Variants in CDH1 observed in about 807,000 individuals in gnomAD.
The protein encoded by CDH1 is cadherin-1.
In CDH1, 35 loss-of-function variants were observed where a neutral mutation model predicts 84.5. That is an observed-to-expected ratio of 0.41 (90% CI 0.32 to 0.55). The LOEUF is 0.55. Ranked by LOEUF, CDH1 falls within the 20% of genes least tolerant of loss-of-function variation. The pLI, the probability that CDH1 is intolerant of heterozygous loss-of-function variation, is 0.19. For synonymous variants in CDH1, 417 were observed against 439.0 expected (o/e 0.95, Z 0.63); for missense variants, 994 against 1,126.6 (o/e 0.88, Z 1.68).
At chr16:68,811,296 C>A (rs1467138462) in intron 6 of CDH1, among the ~76,000 whole-genome samples, 10 of 149,964 alleles carry the variant, frequency 6.7e-5, no homozygotes, top group Non-Finnish European at 7.4e-5. Flanking sequence ...ACTTGGGAGG[C>A]TGAAGCAGGA....
At position 68,738,273 on chromosome 16, in the gene CDH1, C is replaced by T. The variant is rs1414219240; in HGVS notation, c.49-24C>T. 2.8e-6 allele frequency: 4 copies of T among 1,445,708 alleles called. No homozygotes were observed. The Admixed American group carries it at 5.9e-5, about 21-fold the overall frequency. The allele number at this position is 1,445,708 out of a possible 1,614,324, so 89.6% of individuals were successfully genotyped here. A position where few individuals can be genotyped will look rare whatever the true frequency, so the allele number is the denominator to read the frequency against. The stretch of plus-strand genomic sequence containing the variant: ...AGGGAACCCTCCGAGTCACCCGGTT[C>T]CATCTACCTTTCCCCCACCCCAGGT... On this transcript the variant is annotated intron_variant, in intron 1 of 15. Transcript: ENST00000261769.
chr16:68,784,639 TC>T (rs759987731), intron 2 of CDH1, among the ~76,000 whole-genome samples: 6 of 152,162 alleles, frequency 3.9e-5, no homozygotes, highest in Non-Finnish European at 8.8e-5. Context: ...TAGTCTTTTA[TC>T]CCTCACCCCC....
intron 2 of CDH1, among the ~76,000 whole-genome samples, chr16:68,774,290 C>G (rs1409933106): frequency 6.6e-6 from 1 of 152,122 alleles, no homozygotes; most frequent in East Asian, 1.9e-4. Context: ...TTTGGGAGGC[C>G]GAGTCGGGCA....
At position 68,738,964 on chromosome 16, in the gene CDH1, T is replaced by TTTTTTTTTTTTTTTTA. The variant is rs555202424; in HGVS notation, c.163+553_163+554insTTTTTTTTTTTTTTTA. Reference sequence around the variant, plus strand: ...TTTTTTTTTTTTTTTTTTTTTTTTTTAAAGACAGGGTCTTGCTCTGTTGCC... The same window carrying TTTTTTTTTTTTTTTTA: ...TTTTTTTTTTTTTTTTTTTTTTTTTTTTTTTTTTTTTTTTTAAAAGACAGGGTCTTGCTCTGTTGCC... On this transcript the variant is annotated intron_variant, in intron 2 of 15. Transcript: ENST00000261769. Among the ~76,000 whole-genome samples, 250 of 65,410 alleles carry TTTTTTTTTTTTTTTTA rather than the reference T, an allele frequency of 3.8e-3. 101 individuals are homozygous for TTTTTTTTTTTTTTTTA. Among genetic ancestry groups the TTTTTTTTTTTTTTTTA allele is most frequent in the East Asian group, 5.9e-3 (12 of 2,032 alleles). 42.9% of individuals were successfully genotyped at this position (65,410 alleles called of 152,430 possible).
chr16:68,831,578 C>T (rs763884971), intron 15 of CDH1, among the ~76,000 whole-genome samples: 5 of 151,526 alleles, frequency 3.3e-5, no homozygotes, highest in Non-Finnish European at 5.9e-5. Context: ...TCACTCTTGT[C>T]GCCCAGGCTG....
chr16:68,834,510 C>T lies in CDH1; in HGVS notation c.*1011C>T. On this transcript the variant is annotated 3_prime_UTR_variant, in exon 16 of 16. Transcript: ENST00000261769. ...GGGATTGTGGGCATGAGCTGCTGTG[C>T]CCAGCCTCCATGTTTTAATATCAAC... The T allele has an allele frequency of 3.7e-6, 1 of 273,786 alleles. No individual in the cohort carries two copies. The highest frequency in any genetic ancestry group is 7.1e-6 in the Non-Finnish European group (1 of 140,892). 17.0% of individuals were successfully genotyped at this position (273,786 alleles called of 1,614,324 possible).
rs1191901557 is a variant in CDH1, at chr16:68,812,199, C to G, written c.1073C>G (p.Thr358Arg). The G allele has an allele frequency of 1.2e-6, 2 of 1,614,152 alleles. No individual in the cohort carries two copies. Among genetic ancestry groups the G allele is most frequent in the Non-Finnish European group, 1.7e-6 (2 of 1,179,974 alleles). ...ADLQGEGLST[T>R]ATAVITVTDT... is the part of the protein sequence containing the mutation. ...CTTCAAGGTGAGGGGTTAAGCACAA[C>G]AGCAACAGCTGTGATCACAGTCACT... Residue 358 changes from threonine to arginine, a missense_variant, in exon 8 of 16, where the codon ACA becomes AGA. Transcript: ENST00000261769.
chr16:68,738,189 C>G, intron 1 of CDH1, 108 bp from the exon 2 acceptor site: 2 of 754,860 alleles, frequency 2.6e-6, no homozygotes, highest in South Asian at 3.5e-5. Context: ...CTGGGGTCCT[C>G]CCCCAATCCC....
chr16:68,750,933 G>A (rs978328165), intron 2 of CDH1, among the ~76,000 whole-genome samples: 2 of 151,944 alleles, frequency 1.3e-5, no homozygotes, highest in African/African-American at 4.8e-5. Flanking sequence ...TGGAACTCCT[G>A]GGCTCAAGGG....
chr16:68,787,935 C>T (rs571418140), intron 2 of CDH1, among the ~76,000 whole-genome samples: 149 of 151,262 alleles, frequency 9.9e-4, no homozygotes, highest in African/African-American at 3.3e-3. Flanking sequence ...AAGCAATTCT[C>T]CTGCCTCAGC....
At chr16:68,740,063 G>A (rs1188995702) in intron 2 of CDH1, among the ~76,000 whole-genome samples, 1 of 152,140 alleles carries the variant, frequency 6.6e-6, no homozygotes, top group African/African-American at 2.4e-5. Flanking sequence ...CAAGGGAAGG[G>A]GCTAGTTTCT....
chr16:68,738,697 C>T (rs1453265987), intron 2 of CDH1, among the ~76,000 whole-genome samples: 1 of 152,080 alleles, frequency 6.6e-6, no homozygotes, highest in African/African-American at 2.4e-5. Flanking sequence ...ACTGTAGAGA[C>T]AGTCTCTCAT....
chr16:68,740,931 C>T (rs967115976), intron 2 of CDH1, among the ~76,000 whole-genome samples: 2 of 151,956 alleles, frequency 1.3e-5, no homozygotes, highest in Admixed American at 1.3e-4. Flanking sequence ...TTGTTTTTCA[C>T]CTCAATAACC....
intron 13 of CDH1, among the ~76,000 whole-genome samples, chr16:68,824,699 C>G (rs923522008): frequency 6.6e-6 from 1 of 152,202 alleles, no homozygotes; most frequent in South Asian, 2.1e-4. Context: ...GTCCTTAAAC[C>G]TGTTTCCATT....
Position 68,779,615 on chromosome 16 carries a change from G to A in CDH1, c.164-22055G>A, listed in dbSNP as rs1344456146. Among the ~76,000 whole-genome samples, 4 of 152,334 alleles carry A rather than the reference G, an allele frequency of 2.6e-5. No homozygotes were observed. The South Asian group carries it at 8.3e-4, about 32-fold the overall frequency. Reference sequence around the variant, plus strand: ...TCACACCTGTAATCCCAGCACTTTGGGAGGCCGAGCAGGCAGGAGGATCAC... The same window carrying A: ...TCACACCTGTAATCCCAGCACTTTGAGAGGCCGAGCAGGCAGGAGGATCAC... On this transcript the variant is annotated intron_variant, in intron 2 of 15. Coordinates refer to ENST00000261769, the MANE Select transcript of CDH1 (RefSeq NM_004360.5).
At chr16:68,804,185 C>G (rs953366521) in intron 3 of CDH1, among the ~76,000 whole-genome samples, 6 of 134,602 alleles carry the variant, frequency 4.5e-5, no homozygotes, top group African/African-American at 1.7e-4. Flanking sequence ...GCGATCTCAG[C>G]TCACTGCAAG....
chr16:68,774,675 G>A (rs1230980999), intron 2 of CDH1, among the ~76,000 whole-genome samples: 3 of 152,100 alleles, frequency 2.0e-5, no homozygotes, highest in Admixed American at 6.5e-5. Flanking sequence ...CAATGAAAGC[G>A]GATGCCTGGT....
rs1308247672 is a variant in CDH1 at position 68,738,389 on chromosome 16, G to C, written c.141G>C (p.Glu47Asp). ...YTFTVPRRHL[E>D]RGRVLGRVNF... ...TCACGGTGCCCCGGCGCCACCTGGA[G>C]AGAGGCCGCGTCCTGGGCAGAGGTG... Residue 47 changes from glutamate (E) to aspartate (D), a missense_variant, in exon 2 of 16, where the codon GAG becomes GAC. Coordinates refer to ENST00000261769, the MANE Select transcript of CDH1 (RefSeq NM_004360.5). The C allele has an allele frequency of 6.4e-7, 1 of 1,550,474 alleles. No individual in the cohort carries two copies. Among genetic ancestry groups the C allele is most frequent in the Non-Finnish European group, 8.7e-7 (1 of 1,146,382 alleles).
intron 2 of CDH1, among the ~76,000 whole-genome samples, chr16:68,791,645 T>C (rs929747234): frequency 1.3e-5 from 2 of 152,066 alleles, no homozygotes; most frequent in Non-Finnish European, 2.9e-5. Context: ...TAGTCTTGAA[T>C]TCCTGGGCCC....
Sources: allele counts gnomAD v4.1 joint callset (sites outside exome capture counted in the v4.1 genomes callset), GRCh38; gene constraint gnomAD v4.1.1; transcripts MANE v1.5; gene names NCBI Gene and HGNC (gene_info 2026-07-23, HGNC 2026-07-21).